The following THEMIS variants were observed in gnomAD, a reference collection of about 807,000 sequenced individuals.
THEMIS encodes thymocyte selection associated.
A neutral mutation model predicts 52.6 loss-of-function variants in THEMIS; 37 were observed. The ratio of observed to expected loss-of-function variants is 0.70; its 90% confidence interval spans 0.54 to 0.93. The LOEUF (loss-of-function observed/expected upper bound fraction) is 0.93. Among genes scored for constraint, THEMIS ranks in the 40% least tolerant of loss-of-function variants. The probability of loss-of-function intolerance (pLI) is 0.00; values close to 1 mark genes in which losing one functional copy is unlikely to be tolerated. For synonymous variants in THEMIS, 292 were observed against 272.7 expected (o/e 1.07, Z -0.70); for missense variants, 808 against 763.1 (o/e 1.06, Z -0.69).
At chr6:127,766,939 A>T (rs893816415) in intron 4 of THEMIS, among the ~76,000 whole-genome samples, 3 of 152,168 alleles carry the variant, frequency 2.0e-5, no homozygotes, top group African/African-American at 7.2e-5. Context: ...GGCTACATTC[A>T]GTGTATTAAA....
intron 4 of THEMIS, among the ~76,000 whole-genome samples, chr6:127,809,546 A>G (rs542709292): frequency 6.6e-6 from 1 of 152,244 alleles, no homozygotes; most frequent in Non-Finnish European, 1.5e-5. Context: ...CAGAGAAAAT[A>G]TAATGCTTTA....
At chr6:127,859,605 G>C (rs1330578456) in intron 1 of THEMIS, among the ~76,000 whole-genome samples, 1 of 152,070 alleles carries the variant, frequency 6.6e-6, no homozygotes, top group Non-Finnish European at 1.5e-5. Context: ...GGAGTTTAAA[G>C]CATGGTCAAG....
downstream of THEMIS, among the ~76,000 whole-genome samples, chr6:127,705,906 G>T (rs1583181504): frequency 6.6e-6 from 1 of 152,140 alleles, no homozygotes; most frequent in East Asian, 1.9e-4. Context: ...TTAGGATCAG[G>T]CTGGAAAGAT....
At chr6:127,800,610 C>T (rs1374202199) in intron 4 of THEMIS, among the ~76,000 whole-genome samples, 2 of 152,106 alleles carry the variant, frequency 1.3e-5, no homozygotes, top group Non-Finnish European at 2.9e-5. Flanking sequence ...GAGGGTGTTG[C>T]CAAAGGAGGT....
At chr6:127,868,381 T>C in intron 1 of THEMIS, 1 of 970,560 alleles carries the variant, frequency 1.0e-6, no homozygotes, top group South Asian at 4.8e-5. Flanking sequence ...AAAATTGGTA[T>C]TTTCTTTGCC....
chr6:127,809,302 T>A (rs1479449329), intron 4 of THEMIS, among the ~76,000 whole-genome samples: 1 of 152,040 alleles, frequency 6.6e-6, no homozygotes, highest in Admixed American at 6.5e-5. Flanking sequence ...CATGTAAATA[T>A]CAAAAGAAAC....
intron 3 of THEMIS, among the ~76,000 whole-genome samples, chr6:127,825,895 G>A (rs991814109): frequency 6.6e-6 from 1 of 152,072 alleles, no homozygotes; most frequent in South Asian, 2.1e-4. Flanking sequence ...CGATAAGGTC[G>A]TCATCGCAGA....
intron 4 of THEMIS, among the ~76,000 whole-genome samples, chr6:127,810,516 T>C (rs7743330): frequency 0.022 from 3,293 of 152,212 alleles, 138 homozygotes; most frequent in African/African-American, 0.076. Flanking sequence ...TTCTGCTTTG[T>C]GACAACACAA....
chr6:127,893,612 T>C (rs532238157), intron 1 of THEMIS, among the ~76,000 whole-genome samples: 1 of 152,248 alleles, frequency 6.6e-6, no homozygotes, highest in South Asian at 2.1e-4. Context: ...TAATAAATGC[T>C]TGAGCAACAT....
intron 4 of THEMIS, among the ~76,000 whole-genome samples, chr6:127,796,814 G>A (rs1218761280): frequency 6.6e-6 from 1 of 152,278 alleles, no homozygotes; most frequent in East Asian, 1.9e-4. Context: ...AATTTATTGA[G>A]TAAGCTGAAC....
intron 2 of THEMIS, among the ~76,000 whole-genome samples, chr6:127,834,300 G>C (rs369498189): frequency 1.3e-5 from 2 of 151,856 alleles, no homozygotes; most frequent in African/African-American, 4.8e-5. Context: ...GCCAGGCGTG[G>C]TGAGTCACGC....
At chr6:127,858,718 A>G (rs1453475728) in intron 1 of THEMIS, among the ~76,000 whole-genome samples, 5 of 152,126 alleles carry the variant, frequency 3.3e-5, no homozygotes, top group African/African-American at 1.2e-4. Context: ...AATGGCTTTC[A>G]TTTCATTTTA....
At chr6:127,826,518 A>G (rs1247840062) in intron 3 of THEMIS, among the ~76,000 whole-genome samples, 2 of 152,142 alleles carry the variant, frequency 1.3e-5, no homozygotes, top group Non-Finnish European at 2.9e-5. Flanking sequence ...TTTGAGAGGC[A>G]TTGAGATTTT....
intron 1 of THEMIS, among the ~76,000 whole-genome samples, chr6:127,907,321 A>T (rs1224830384): frequency 8.2e-6 from 1 of 121,876 alleles, no homozygotes; most frequent in African/African-American, 3.1e-5. Context: ...CAATACCATT[A>T]GGGCATTAGG....
At chr6:127,818,350 C>T (rs1400697834) in intron 3 of THEMIS, among the ~76,000 whole-genome samples, 1 of 152,042 alleles carries the variant, frequency 6.6e-6, no homozygotes, top group Non-Finnish European at 1.5e-5. Context: ...TGTATAATAA[C>T]AGGAAACTAC....
chr6:127,851,095 T>C (rs764877176), intron 2 of THEMIS, among the ~76,000 whole-genome samples: 2 of 151,504 alleles, frequency 1.3e-5, no homozygotes, highest in Non-Finnish European at 3.0e-5. Context: ...AGATTATACA[T>C]TCAGGGGCAG....
intron 4 of THEMIS, among the ~76,000 whole-genome samples, chr6:127,790,441 A>T (rs1194262386): frequency 6.6e-6 from 1 of 152,232 alleles, no homozygotes; most frequent in Non-Finnish European, 1.5e-5. Flanking sequence ...TTAAATAATG[A>T]CATTTACATA....
At chr6:127,774,409 G>A (rs956922467) in intron 4 of THEMIS, among the ~76,000 whole-genome samples, 1 of 152,218 alleles carries the variant, frequency 6.6e-6, no homozygotes, top group South Asian at 2.1e-4. Flanking sequence ...GTTTCACCGT[G>A]TTAGCCAGGA....
intron 2 of THEMIS, among the ~76,000 whole-genome samples, chr6:127,839,757 C>T (rs1238237442): frequency 6.6e-6 from 1 of 152,020 alleles, no homozygotes; most frequent in Non-Finnish European, 1.5e-5. Context: ...TTAAATAGGT[C>T]AAAACAAACA....
Sources: allele counts gnomAD v4.1 joint callset (sites outside exome capture counted in the v4.1 genomes callset), GRCh38; gene constraint gnomAD v4.1.1; transcripts MANE v1.5; gene names NCBI Gene and HGNC (gene_info 2026-07-23, HGNC 2026-07-21).